SLC16A6: variants seen among roughly 807,000 people sequenced by gnomAD.
SLC16A6 encodes the protein monocarboxylate transporter 7.
SLC16A6 carries 15 observed loss-of-function variants against 33.8 expected under a neutral mutation model. The ratio of observed to expected loss-of-function variants is 0.44; its 90% CI spans 0.30 to 0.68. The LOEUF is 0.68. Ranked by LOEUF, SLC16A6 falls within the 30% of genes least tolerant of loss-of-function variation. SLC16A6 has a pLI of 0.10. For synonymous variants in SLC16A6, 219 were observed against 248.4 expected, an observed-to-expected ratio of 0.88 and a Z score of 1.11; for missense variants, 451 against 661.5, an observed-to-expected ratio of 0.68 and a Z score of 3.49.
At chr17:68,273,816 A>C in intron 3 of SLC16A6, 111 bp downstream of exon 3, 1 of 1,330,766 alleles carries the variant, frequency 7.5e-7, no homozygotes, top group South Asian at 1.4e-5. Context: ...TTAATGTTAA[A>C]GAAAAAAAGA....
At position 68,272,631 on chromosome 17, in the gene SLC16A6, C is replaced by T; in HGVS notation, c.505+8G>A. ...ACATTCATACTTAGGCTGTTGTAGTCCACCTACCTGGTGCGAAAGCAAACA... is the reference window on the plus strand; with the variant it reads ...ACATTCATACTTAGGCTGTTGTAGTTCACCTACCTGGTGCGAAAGCAAACA... On this transcript the variant is annotated splice_region_variant and intron_variant, in intron 4 of 5. Transcript: ENST00000580666. The T allele has an allele frequency of 1.9e-6, 3 of 1,613,548 alleles. No individual in the cohort carries two copies. The highest frequency in any genetic ancestry group is 2.5e-6 in the Non-Finnish European group (3 of 1,179,602).
intron 5 of SLC16A6, among the ~76,000 whole-genome samples, chr17:68,269,892 G>C (rs1370728361): frequency 3.3e-5 from 5 of 151,902 alleles, no homozygotes; most frequent in African/African-American, 1.2e-4. Flanking sequence ...AGGCTGGTCT[G>C]GAACTCCTGA....
chr17:68,276,242 C>G (rs1348613231), intron 2 of SLC16A6, among the ~76,000 whole-genome samples: 2 of 149,566 alleles, frequency 1.3e-5, no homozygotes, highest in Non-Finnish European at 3.0e-5. Context: ...TACAGGTGCC[C>G]ACCACCACAC....
intron 5 of SLC16A6, among the ~76,000 whole-genome samples, chr17:68,269,971 C>T (rs1389302469): frequency 1.3e-5 from 2 of 152,108 alleles, no homozygotes; most frequent in African/African-American, 2.4e-5. Flanking sequence ...CTGCGCCCGG[C>T]CCGTTTTAGG....
At chr17:68,282,567 G>A (rs2075726794) in intron 1 of SLC16A6, among the ~76,000 whole-genome samples, 1 of 151,816 alleles carries the variant, frequency 6.6e-6, no homozygotes, top group Non-Finnish European at 1.5e-5. Context: ...GGGAAACTGA[G>A]GCTGGAGGAT....
In SLC16A6 at chr17:68,271,329, G is replaced by A. The variant is rs370850876; in HGVS notation, c.831C>T (p.Ser277=). ...AGTCTAATAGCGGGGCTTTCTTTTCGCTTGGCCTGGGGCTGGTCTTCACCA... is the reference window on the plus strand; with the variant it reads ...AGTCTAATAGCGGGGCTTTCTTTTCACTTGGCCTGGGGCTGGTCTTCACCA... ...QVLVKTSPRP[S]EKKAPLLDFS... Residue 277 remains serine, a synonymous_variant, in exon 5 of 6, where the codon AGC becomes AGT. Coordinates refer to ENST00000580666, the MANE Select transcript of SLC16A6 (RefSeq NM_004694.5). The surrounding 1 kb of genome is among the most constrained non-coding windows in gnomAD (Gnocchi z 5.3). 30 of 1,614,180 alleles carry A rather than the reference G, an allele frequency of 1.9e-5. No homozygotes were observed. Among genetic ancestry groups the A allele is most frequent in the Non-Finnish European group, 2.2e-5 (26 of 1,180,034 alleles).
intron 1 of SLC16A6, among the ~76,000 whole-genome samples, chr17:68,290,162 T>C (rs2145214509): frequency 6.6e-6 from 1 of 152,104 alleles, no homozygotes; most frequent in Non-Finnish European, 1.5e-5. Context: ...TGGCACGGAG[T>C]GTCTAACCGT....
chr17:68,280,517 G>C (rs1426350347), intron 1 of SLC16A6, among the ~76,000 whole-genome samples: 1 of 152,170 alleles, frequency 6.6e-6, no homozygotes, highest in Admixed American at 6.5e-5. Flanking sequence ...TTTGGCAAAG[G>C]TGCCAAAGAC....
rs550023475 is a variant in SLC16A6, at chr17:68,283,746, C to T, written c.-7-5419G>A. ...ATACAAAATTAGCCGGGTGTGGTGGCGCACGCCTGTAATCCCAGCTACACG... is the reference window on the plus strand; with the variant it reads ...ATACAAAATTAGCCGGGTGTGGTGGTGCACGCCTGTAATCCCAGCTACACG... On this transcript the variant is annotated intron_variant, in intron 1 of 5. Coordinates refer to ENST00000580666, the MANE Select transcript of SLC16A6 (RefSeq NM_004694.5). Among the ~76,000 whole-genome samples, 396 of 151,852 alleles carry T rather than the reference C, an allele frequency of 2.6e-3. 1 individual carries two copies. Among genetic ancestry groups the T allele is most frequent in the African/African-American group, 9.2e-3 (380 of 41,410 alleles).
chr17:68,268,323 A>G lies in SLC16A6; in HGVS notation c.*773T>C, dbSNP rs1430679428. 2.0e-5 allele frequency: 3 copies of G among 152,556 alleles called. No individual in the cohort carries two copies. The highest frequency in any genetic ancestry group is 4.4e-5 in the Non-Finnish European group (3 of 68,022). The allele number at this position is 152,556 out of a possible 1,614,324, so 9.5% of individuals were successfully genotyped here. The stretch of plus-strand genomic sequence containing the variant: ...TTTCTGTATAACTAAAAGCAACAGG[A>G]AACACATTTTTAAATGCCATTTTGT... On this transcript the variant is annotated 3_prime_UTR_variant, in exon 6 of 6. Coordinates refer to ENST00000580666, the MANE Select transcript of SLC16A6 (RefSeq NM_004694.5).
intron 2 of SLC16A6, among the ~76,000 whole-genome samples, chr17:68,276,780 CA>C (rs1487325138): frequency 6.6e-6 from 1 of 152,002 alleles, no homozygotes; most frequent in Non-Finnish European, 1.5e-5. Flanking sequence ...GTGAGTTCAA[CA>C]GCCCTTTTCT....
At position 68,270,992 on chromosome 17, in the gene SLC16A6, T is replaced by C. The variant is rs1479621200; in HGVS notation, c.1168A>G (p.Ile390Val). 1.9e-6 allele frequency: 3 copies of C among 1,613,986 alleles called. No homozygotes were observed. Among genetic ancestry groups the C allele is most frequent in the Middle Eastern group, 1.6e-4 (1 of 6,084 alleles). Residue 390 changes from isoleucine (I) to valine (V), a missense_variant, in exon 5 of 6, where the codon ATA (isoleucine) becomes GTA (valine). By Grantham distance (29) the Ile-to-Val change is conservative. This residue lies in a region of SLC16A6 where 405 missense variants were observed against 510.7 expected (regional missense o/e 0.79). Transcript: ENST00000580666. ...TEFWGLMSCS[I>V]FFGFMVGTIG... is the part of the protein sequence containing the mutation. Reference sequence around the variant, plus strand: ...GTTCCAACCATAAACCCAAAAAATATGCTGCATGACATTAGACCCCAGAAT... The same window carrying C: ...GTTCCAACCATAAACCCAAAAAATACGCTGCATGACATTAGACCCCAGAAT...
At chr17:68,280,210 A>G (rs1376331803) in intron 1 of SLC16A6, among the ~76,000 whole-genome samples, 1 of 150,476 alleles carries the variant, frequency 6.6e-6, no homozygotes, top group South Asian at 2.1e-4. Flanking sequence ...AGAATTATTT[A>G]TATATGACCC....
At chr17:68,277,722 G>C (rs2075570099) in intron 2 of SLC16A6, among the ~76,000 whole-genome samples, 1 of 152,158 alleles carries the variant, frequency 6.6e-6, no homozygotes, top group Non-Finnish European at 1.5e-5. Flanking sequence ...ACTGTGCCCG[G>C]CCATCAGCAA....
chr17:68,274,397 C>A (rs1470711061), intron 2 of SLC16A6: 5 of 201,712 alleles, frequency 2.5e-5, no homozygotes, highest in Non-Finnish European at 5.2e-5. Flanking sequence ...GCCTGGGAGG[C>A]AGACGATGCA....
rs781878582 is a variant in SLC16A6 at position 68,278,102 on chromosome 17, G to C, written c.219C>G (p.Val73=). 1.9e-6 allele frequency: 3 copies of C among 1,612,834 alleles called. No homozygotes were observed. Among genetic ancestry groups the C allele is most frequent in the Non-Finnish European group, 2.5e-6 (3 of 1,178,932 alleles). ...AGATGTACTAACCTGAAAATGTTAA[G>C]ACAAACACACAGATTGAGATTATCC... The part of the protein sequence containing the change: ...ISWIISICVF[V]LTFSAPLATV... Residue 73 remains valine (V), a synonymous_variant, in exon 2 of 6, where the codon GTC becomes GTG. Transcript: ENST00000580666.
At chr17:68,280,577 G>A (rs2145094809) in intron 1 of SLC16A6, among the ~76,000 whole-genome samples, 1 of 152,260 alleles carries the variant, frequency 6.6e-6, no homozygotes, top group South Asian at 2.1e-4. Context: ...TTTGAAAACT[G>A]GATATCAATA....
chr17:68,282,245 G>T (rs1555753025), intron 1 of SLC16A6, among the ~76,000 whole-genome samples: 1 of 151,642 alleles, frequency 6.6e-6, no homozygotes, highest in Non-Finnish European at 1.5e-5. Flanking sequence ...GCAAACTATC[G>T]CAAGGACAAA....
intron 5 of SLC16A6, among the ~76,000 whole-genome samples, chr17:68,269,799 G>A (rs548786049): frequency 4.0e-5 from 6 of 150,214 alleles, no homozygotes; most frequent in African/African-American, 7.4e-5. Flanking sequence ...TCAGCCTCCC[G>A]AATAGCTGGG....
Sources: allele counts gnomAD v4.1 joint callset (sites outside exome capture counted in the v4.1 genomes callset), GRCh38; gene constraint gnomAD v4.1.1; regional missense constraint gnomAD v4.1.1; non-coding constraint Gnocchi (gnomAD v3.1); transcripts MANE v1.5; gene names NCBI Gene and HGNC (gene_info 2026-07-23, HGNC 2026-07-21).